EPHA7: variants seen among roughly 807,000 people sequenced by gnomAD.
The protein encoded by EPHA7 is ephrin type-A receptor 7.
Under a neutral mutation model 112.6 loss-of-function variants are expected in EPHA7, and 25 were observed. That is an observed-to-expected ratio of 0.22 (90% CI 0.16 to 0.31). EPHA7 has a LOEUF of 0.31. EPHA7 is among the 10% of genes least tolerant of loss of function. The pLI is 1.00. For synonymous variants in EPHA7, 437 were observed against 406.5 expected (o/e 1.07, Z -0.90); for missense variants, 962 against 1,212.6 (o/e 0.79, Z 3.07).
intron 3 of EPHA7, among the ~76,000 whole-genome samples, chr6:93,360,663 T>A (rs1776217725): frequency 6.6e-6 from 1 of 152,106 alleles, no homozygotes; most frequent in African/African-American, 2.4e-5. Context: ...CTTGCTCAAC[T>A]TACATGATTT....
chr6:93,375,063 T>C (rs916389843), intron 3 of EPHA7, among the ~76,000 whole-genome samples: 20 of 152,142 alleles, frequency 1.3e-4, no homozygotes, highest in African/African-American at 4.8e-4. Flanking sequence ...GAAATTCCTT[T>C]AATAATTTCA....
chr6:93,323,436 T>C (rs190388695), intron 5 of EPHA7, among the ~76,000 whole-genome samples: 1 of 151,522 alleles, frequency 6.6e-6, no homozygotes, highest in South Asian at 2.1e-4. Context: ...GAAACCAAAA[T>C]AATGATACCA....
chr6:93,277,752 T>C (rs915117391), intron 5 of EPHA7, among the ~76,000 whole-genome samples: 9 of 151,998 alleles, frequency 5.9e-5, no homozygotes, highest in African/African-American at 1.9e-4. Context: ...ATGTAAAATA[T>C]ACAATATAGT....
At chr6:93,312,631 A>G (rs1773598778) in intron 5 of EPHA7, among the ~76,000 whole-genome samples, 1 of 152,208 alleles carries the variant, frequency 6.6e-6, no homozygotes, top group Admixed American at 6.5e-5. Context: ...TATTCACTGA[A>G]GTAGCACTTT....
At chr6:93,419,092 G>A (rs1779396911) in intron 1 of EPHA7, among the ~76,000 whole-genome samples, 153 bp downstream of exon 1, 1 of 152,154 alleles carries the variant, frequency 6.6e-6, no homozygotes, top group South Asian at 2.1e-4. Flanking sequence ...TGGTCCGCCA[G>A]GAGCGGCCTC....
intron 5 of EPHA7, 54 bp downstream of exon 5, chr6:93,356,663 C>A: frequency 1.4e-6 from 2 of 1,459,660 alleles, no homozygotes; most frequent in Non-Finnish European, 1.9e-6. Context: ...AAGTAAGACA[C>A]CTCACTTAGG....
At chr6:93,388,494 T>A (rs1777741580) in intron 3 of EPHA7, among the ~76,000 whole-genome samples, 1 of 152,146 alleles carries the variant, frequency 6.6e-6, no homozygotes, top group African/African-American at 2.4e-5. Context: ...TGCTCTTCTA[T>A]TTACTCATTA....
intron 3 of EPHA7, among the ~76,000 whole-genome samples, chr6:93,405,783 ATGTG>A (rs371052750): frequency 0.014 from 1,372 of 94,628 alleles, 10 homozygotes; most frequent in Non-Finnish European, 0.017. Flanking sequence ...TTCTGTATAT[ATGTG>A]TGTGTGTGTG....
intron 3 of EPHA7, among the ~76,000 whole-genome samples, chr6:93,406,441 T>G (rs1778726729): frequency 6.6e-6 from 1 of 151,866 alleles, no homozygotes; most frequent in Admixed American, 6.6e-5. Flanking sequence ...GAATAAAGTT[T>G]CATTAGTTTT....
intron 5 of EPHA7, among the ~76,000 whole-genome samples, chr6:93,314,457 A>T (rs1773696293): frequency 1.3e-5 from 2 of 152,190 alleles, no homozygotes; most frequent in Admixed American, 6.5e-5. Context: ...CCTTTCACTG[A>T]CAGGTCCAAC....
intron 3 of EPHA7, among the ~76,000 whole-genome samples, chr6:93,383,319 T>C (rs1485575139): frequency 2.0e-5 from 3 of 149,898 alleles, no homozygotes; most frequent in Admixed American, 1.3e-4. Context: ...TCAGAACTCA[T>C]TTTGTGTGTG....
chr6:93,318,606 T>C (rs982774816), intron 5 of EPHA7, among the ~76,000 whole-genome samples: 11 of 152,102 alleles, frequency 7.2e-5, no homozygotes, highest in Admixed American at 5.2e-4. Flanking sequence ...ACAGTAGACA[T>C]AAAAGTACTA....
intron 5 of EPHA7, among the ~76,000 whole-genome samples, chr6:93,311,114 A>ATCTTTTTTTTTTTTTTTTTTTT: frequency 1.3e-5 from 1 of 78,526 alleles, no homozygotes; most frequent in Non-Finnish European, 2.3e-5. Flanking sequence ...ATGCCCAGCT[A>ATCTTTTTTTTTTTTTTTTTTTT]TTTTTTTTTT....
Position 93,246,914 on chromosome 6 carries a change from T to C in EPHA7, c.2604A>G (p.Leu868=). The change falls in exon 15 of 17, where the codon CTA becomes CTG. Residue 868 remains leucine, a synonymous_variant. Coordinates refer to ENST00000369303, the MANE Select transcript of EPHA7 (RefSeq NM_004440.4). Reference sequence around the variant, plus strand: ...GCTCCTTTTGCCAACAATCCAACATTAGCTGGTGAAGGCCAGCTGGGCAGT... The same window carrying C: ...GCTCCTTTTGCCAACAATCCAACATCAGCTGGTGAAGGCCAGCTGGGCAGT... ...PMDCPAGLHQ[L]MLDCWQKERA... 6.2e-7 allele frequency: 1 copy of C among 1,613,820 alleles called. No individual in the cohort carries two copies. Among genetic ancestry groups the C allele is most frequent in the Non-Finnish European group, 8.5e-7 (1 of 1,179,728 alleles).
At chr6:93,314,763 TC>T (rs998629593) in intron 5 of EPHA7, among the ~76,000 whole-genome samples, 6 of 152,152 alleles carry the variant, frequency 3.9e-5, no homozygotes, top group African/African-American at 1.4e-4. Context: ...AATAAATATT[TC>T]AATGATGCTT....
At chr6:93,359,870 G>T (rs200147213) in intron 3 of EPHA7, among the ~76,000 whole-genome samples, 5,127 of 130,900 alleles carry the variant, frequency 0.039, 105 homozygotes, top group African/African-American at 0.059. Flanking sequence ...GAGAGAGAGA[G>T]AGAGAGATAG....
intron 12 of EPHA7, among the ~76,000 whole-genome samples, chr6:93,257,040 C>T (rs1011814790): frequency 4.6e-5 from 7 of 152,188 alleles, no homozygotes; most frequent in Admixed American, 6.5e-5. Context: ...ACATTTTATG[C>T]TTGGTGTTCA....
intron 5 of EPHA7, among the ~76,000 whole-genome samples, chr6:93,288,020 G>T (rs1772159562): frequency 6.6e-6 from 1 of 151,924 alleles, no homozygotes; most frequent in South Asian, 2.1e-4. Context: ...TGTAAAAGCA[G>T]TTTTTTTTAA....
At chr6:93,254,196 C>G (rs1288427683) in intron 14 of EPHA7, among the ~76,000 whole-genome samples, 1 of 151,956 alleles carries the variant, frequency 6.6e-6, no homozygotes, top group Non-Finnish European at 1.5e-5. Flanking sequence ...TCCCATGAAA[C>G]TAAAACTTAA....
Sources: gnomAD v4.1 joint callset for allele counts (sites outside exome capture counted in the v4.1 genomes callset) on GRCh38, gnomAD v4.1.1 for gene constraint, MANE v1.5 for transcripts, NCBI Gene and HGNC (gene_info 2026-07-23, HGNC 2026-07-21) for gene names.